Variants in ATP8A2 observed in about 807,000 individuals in gnomAD.
ATP8A2 encodes the protein phospholipid-transporting ATPase IB.
In ATP8A2, 100 loss-of-function variants were observed where a neutral mutation model predicts 165.6. The ratio of observed to expected loss-of-function variants is 0.60; its 90% CI spans 0.51 to 0.71. The LOEUF is 0.71. Ranked by LOEUF, ATP8A2 falls within the 30% of genes least tolerant of loss-of-function variation. ATP8A2 has a pLI of 0.00. For missense variants in ATP8A2, 1,227 were observed against 1,479.5 expected, an observed-to-expected ratio of 0.83 and a Z score of 2.80; for synonymous variants, 543 against 548.8, an observed-to-expected ratio of 0.99 and a Z score of 0.15.
intron 33 of ATP8A2, among the ~76,000 whole-genome samples, chr13:25,960,383 C>T (rs959984543): frequency 6.6e-6 from 1 of 152,128 alleles, no homozygotes; most frequent in South Asian, 2.1e-4. Context: ...TTAGACCCTC[C>T]CAGTCCCTGT....
At chr13:25,532,242 G>A (rs774939974) in intron 4 of ATP8A2, 30 bp from the exon 5 acceptor site, 41 of 1,585,266 alleles carry the variant, frequency 2.6e-5, no homozygotes, top group South Asian at 9.2e-5. Context: ...ACTTTTGAAT[G>A]TTAAACTATT....
intron 35 of ATP8A2, among the ~76,000 whole-genome samples, chr13:26,000,998 G>A (rs1956621556): frequency 6.6e-6 from 1 of 152,066 alleles, no homozygotes; most frequent in South Asian, 2.1e-4. Context: ...TCCCCAAAAG[G>A]GAACCCCATA....
intron 15 of ATP8A2, among the ~76,000 whole-genome samples, chr13:25,563,142 G>A (rs1483950772): frequency 2.6e-5 from 4 of 152,222 alleles, no homozygotes; most frequent in Non-Finnish European, 4.4e-5. Context: ...AGGTGCGGTG[G>A]CTCACGCCTG....
chr13:25,385,611 T>A (rs74365508), intron 1 of ATP8A2, among the ~76,000 whole-genome samples: 9,103 of 152,290 alleles, frequency 0.06, 772 homozygotes, highest in African/African-American at 0.19. Flanking sequence ...ATAACTGGAT[T>A]GGTAACTTCT....
intron 27 of ATP8A2, among the ~76,000 whole-genome samples, chr13:25,816,671 GA>G (rs1262718563): frequency 6.6e-6 from 1 of 152,196 alleles, no homozygotes; most frequent in African/African-American, 2.4e-5. Flanking sequence ...AGCAAAACTT[GA>G]AGCAGGGCCT....
intron 7 of ATP8A2, among the ~76,000 whole-genome samples, chr13:25,538,784 G>C (rs530634300): frequency 6.6e-6 from 1 of 152,272 alleles, no homozygotes; most frequent in African/African-American, 2.4e-5. Context: ...TCGGCATGCT[G>C]TTTGCATTTT....
intron 1 of ATP8A2, among the ~76,000 whole-genome samples, chr13:25,436,576 G>A (rs898992689): frequency 2.0e-5 from 3 of 152,084 alleles, no homozygotes; most frequent in Non-Finnish European, 2.9e-5. Context: ...GAACATAAGC[G>A]TGTGTCTGTT....
At chr13:25,970,074 T>C (rs1042093616) in intron 35 of ATP8A2, among the ~76,000 whole-genome samples, 2 of 152,216 alleles carry the variant, frequency 1.3e-5, no homozygotes, top group African/African-American at 4.8e-5. Flanking sequence ...TAAAACCCTA[T>C]AAAATGCATA....
At chr13:25,985,725 G>T (rs1055714713) in intron 35 of ATP8A2, among the ~76,000 whole-genome samples, 1 of 152,202 alleles carries the variant, frequency 6.6e-6, no homozygotes, top group Non-Finnish European at 1.5e-5. Context: ...CAGTGGAGAG[G>T]GTGTGTTTGC....
intron 33 of ATP8A2, among the ~76,000 whole-genome samples, chr13:25,873,640 CTTTT>C (rs201451621): frequency 7.2e-6 from 1 of 139,852 alleles, no homozygotes; most frequent in African/African-American, 2.7e-5. Flanking sequence ...CTAAGTATCT[CTTTT>C]TTTTTTTTTT....
intron 2 of ATP8A2, among the ~76,000 whole-genome samples, chr13:25,497,911 G>A (rs1237009230): frequency 6.6e-6 from 1 of 152,096 alleles, no homozygotes; most frequent in East Asian, 1.9e-4. Flanking sequence ...GCAGTGAGCC[G>A]AGATCGCGCC....
chr13:26,001,872 A>G (rs73155964), intron 35 of ATP8A2, among the ~76,000 whole-genome samples: 35,133 of 152,088 alleles, frequency 0.23, 4,474 homozygotes, highest in Non-Finnish European at 0.3. Context: ...TTTAATTTCC[A>G]TGAAGTCCCA....
chr13:25,431,519 A>G (rs1224171996), intron 1 of ATP8A2, among the ~76,000 whole-genome samples: 1 of 152,116 alleles, frequency 6.6e-6, no homozygotes, highest in African/African-American at 2.4e-5. Flanking sequence ...GGAATCTCAT[A>G]CAATTATGAT....
At chr13:25,403,139 A>G (rs115767898) in intron 1 of ATP8A2, among the ~76,000 whole-genome samples, 1,524 of 152,258 alleles carry the variant, frequency 0.01, 23 homozygotes, top group African/African-American at 0.034. Context: ...TGGAGGGGAC[A>G]CAAGCATTCC....
chr13:25,572,215 A>G (rs1055773675), intron 18 of ATP8A2, among the ~76,000 whole-genome samples: 6 of 151,990 alleles, frequency 3.9e-5, no homozygotes, highest in Admixed American at 3.3e-4. Flanking sequence ...GCTCACTGCA[A>G]CCTCTGCTTC....
chr13:25,816,522 G>T (rs1193062714), intron 27 of ATP8A2, among the ~76,000 whole-genome samples: 1 of 152,166 alleles, frequency 6.6e-6, no homozygotes, highest in African/African-American at 2.4e-5. Context: ...CACTCCTCCA[G>T]ACGTAACCTG....
chr13:25,663,540 C>CCA (rs2042092714), intron 24 of ATP8A2, among the ~76,000 whole-genome samples: 1 of 151,948 alleles, frequency 6.6e-6, no homozygotes, highest in South Asian at 2.1e-4. Context: ...GTGCATTGGG[C>CCA]CACTGGCTTT....
chr13:25,809,074 A>T (rs541480787), intron 27 of ATP8A2, among the ~76,000 whole-genome samples: 1 of 152,204 alleles, frequency 6.6e-6, no homozygotes, highest in African/African-American at 2.4e-5. Context: ...GGACAATGAC[A>T]CTGCTTGTAT....
At chr13:25,847,458 G>A (rs1362129564) in intron 30 of ATP8A2, among the ~76,000 whole-genome samples, 3 of 152,170 alleles carry the variant, frequency 2.0e-5, no homozygotes, top group African/African-American at 7.2e-5. Flanking sequence ...TTTTCATTCA[G>A]TTAAATATTT....
Sources: allele counts gnomAD v4.1 joint callset (sites outside exome capture counted in the v4.1 genomes callset), GRCh38; gene constraint gnomAD v4.1.1; transcripts MANE v1.5; gene names NCBI Gene and HGNC (gene_info 2026-07-23, HGNC 2026-07-21).